VASH1: variants seen among roughly 807,000 people sequenced by gnomAD.
The protein encoded by VASH1 is vasohibin 1.
In VASH1, 16 loss-of-function variants were observed where a neutral mutation model predicts 35.0. The observed-to-expected ratio is 0.46, with a 90% CI of 0.31 to 0.70. VASH1 has a LOEUF of 0.70. Among genes scored for constraint, VASH1 ranks in the 30% least tolerant of loss-of-function variants. The probability of loss-of-function intolerance (pLI) is 0.05; values close to 1 mark genes in which losing one functional copy is unlikely to be tolerated. For missense variants in VASH1, 505 were observed against 510.7 expected (o/e 0.99, Z 0.11); for synonymous variants, 214 against 200.9 (o/e 1.07, Z -0.55).
At chr14:76,767,610 A>G (rs555646228) in intron 1 of VASH1, among the ~76,000 whole-genome samples, 2 of 152,312 alleles carry the variant, frequency 1.3e-5, no homozygotes, top group African/African-American at 4.8e-5. Flanking sequence ...CAGTGAGGAA[A>G]TATTTCCCGA....
chr14:76,777,159 T>G (rs1348482083), intron 5 of VASH1, among the ~76,000 whole-genome samples: 1 of 152,158 alleles, frequency 6.6e-6, no homozygotes, highest in East Asian at 1.9e-4. Context: ...ACGGCTGCCC[T>G]AGCCATTGCC....
At chr14:76,771,457 A>C (rs1893792289) in intron 3 of VASH1, among the ~76,000 whole-genome samples, 1 of 152,218 alleles carries the variant, frequency 6.6e-6, no homozygotes, top group African/African-American at 2.4e-5. Flanking sequence ...CCTTGATGAA[A>C]AGGAAATCCC....
intron 1 of VASH1, among the ~76,000 whole-genome samples, chr14:76,768,281 C>G (rs931890326): frequency 8.5e-5 from 13 of 152,220 alleles, no homozygotes; most frequent in Admixed American, 5.9e-4. Flanking sequence ...GCCCCCCACC[C>G]CGGGTTTTAT....
intron 5 of VASH1, among the ~76,000 whole-genome samples, chr14:76,777,130 G>A (rs1248811186): frequency 2.0e-5 from 3 of 152,212 alleles, no homozygotes; most frequent in Non-Finnish European, 2.9e-5. Context: ...AGGTGTCCTG[G>A]CAGGGGTTTG....
At chr14:76,766,383 C>T (rs1893642192) in intron 1 of VASH1, among the ~76,000 whole-genome samples, 1 of 152,184 alleles carries the variant, frequency 6.6e-6, no homozygotes, top group African/African-American at 2.4e-5. Flanking sequence ...CCACAGAGCT[C>T]CTGCAGAATG....
intron 1 of VASH1, chr14:76,769,497 A>T: frequency 7.8e-7 from 1 of 1,288,112 alleles, no homozygotes; most frequent in Non-Finnish European, 1.0e-6. Context: ...AAGGATGCTC[A>T]CCCCCCTCAG....
Position 76,779,480 on chromosome 14 carries a change from T to C in VASH1, c.*462T>C, listed in dbSNP as rs961055881. On this transcript the variant is annotated 3_prime_UTR_variant, in exon 7 of 7. Coordinates refer to ENST00000167106, the MANE Select transcript of VASH1 (RefSeq NM_014909.5). Reference sequence around the variant, plus strand: ...GGTGGGGGTGGGGTGGAGATGTTTCTCCAGTTCTGCCTGCCCTGGCAGAAT... The same window carrying C: ...GGTGGGGGTGGGGTGGAGATGTTTCCCCAGTTCTGCCTGCCCTGGCAGAAT... The C allele has an allele frequency of 4.3e-6, 3 of 702,016 alleles. No homozygotes were observed. In the Admixed American group the frequency reaches 6.0e-5, roughly 14 times the overall value. The allele number at this position is 702,016 out of a possible 1,614,324, so 43.5% of individuals were successfully genotyped here. A position where few individuals can be genotyped will look rare whatever the true frequency, so the allele number is the denominator to read the frequency against.
rs565043465 is a variant in VASH1 at position 76,770,226 on chromosome 14, G to T, written c.398+175G>T. ...GTGGGACGCGGCGCGTGTGCCTCCT[G>T]GGTGTCGGAGGAATTTTGTCTGATG... is the stretch of plus-strand genomic sequence containing the variant. On this transcript the variant is annotated intron_variant, in intron 2 of 6. Coordinates refer to ENST00000167106, the MANE Select transcript of VASH1 (RefSeq NM_014909.5). Among the ~76,000 whole-genome samples the T allele has an allele frequency of 2.5e-4, 38 of 152,296 alleles. 1 individual carries two copies. The highest frequency in any genetic ancestry group is 7.9e-4 in the African/African-American group (33 of 41,562).
chr14:76,764,452 C>T (rs1893588469), intron 1 of VASH1, among the ~76,000 whole-genome samples: 1 of 152,142 alleles, frequency 6.6e-6, no homozygotes, highest in Non-Finnish European at 1.5e-5. Flanking sequence ...TTTTGGGGTT[C>T]ATCTCTGATT....
chr14:76,773,916 T>A, intron 4 of VASH1: 1 of 152,186 alleles, frequency 6.6e-6, no homozygotes, highest in South Asian at 2.1e-4. Flanking sequence ...TAGAACAACA[T>A]CATGAACTCC....
rs972635937 is a variant in VASH1, at chr14:76,779,092, T to C, written c.*74T>C. The C allele has an allele frequency of 6.6e-7, 1 of 1,518,364 alleles. No homozygotes were observed. The highest frequency in any genetic ancestry group is 1.4e-5 in the African/African-American group (1 of 73,160). 94.1% of individuals were successfully genotyped at this position (1,518,364 alleles called of 1,614,324 possible). A position where few individuals can be genotyped will look rare whatever the true frequency, so the allele number is the denominator to read the frequency against. On this transcript the variant is annotated 3_prime_UTR_variant, in exon 7 of 7. Coordinates refer to ENST00000167106, the MANE Select transcript of VASH1 (RefSeq NM_014909.5). ...CACCTGCTGGAACCAGCCTTATGCA[T>C]GGGGAAGGCGGGGCTGGTGACAAGG... is the stretch of plus-strand genomic sequence containing the variant.
chr14:76,776,582 C>A (rs1893952525), intron 5 of VASH1, among the ~76,000 whole-genome samples: 1 of 152,068 alleles, frequency 6.6e-6, no homozygotes, highest in Admixed American at 6.5e-5. Context: ...CCCACTCCTC[C>A]TGTAACATAT....
At chr14:76,777,919 A>G in intron 5 of VASH1, 40 bp from the exon 6 acceptor site, 1 of 1,369,006 alleles carries the variant, frequency 7.3e-7, no homozygotes. Context: ...GCTCCAGGGC[A>G]GTCCTGGAGT....
chr14:76,761,487 G>C lies in VASH1; in HGVS notation c.-1335G>C, dbSNP rs1472676662. ...CGCGGCGCGGGCCGTAGTCGAGCCT[G>C]GTGGGCGGCTGGCTGGCAGGGGACG... On this transcript the variant is annotated 5_prime_UTR_variant, in exon 1 of 7. Transcript: ENST00000167106. 1 of 152,784 alleles carries C rather than the reference G, an allele frequency of 6.5e-6. No individual in the cohort carries two copies. The highest frequency in any genetic ancestry group is 2.4e-5 in the African/African-American group (1 of 41,442). 9.5% of individuals were successfully genotyped at this position (152,784 alleles called of 1,614,324 possible).
chr14:76,761,801 C>T lies in VASH1; in HGVS notation c.-1021C>T, dbSNP rs1893511881. 6.6e-6 allele frequency among the ~76,000 whole-genome samples: 1 copy of T among 151,848 alleles called. No individual in the cohort carries two copies. Among genetic ancestry groups the T allele is most frequent in the Non-Finnish European group, 1.5e-5 (1 of 67,918 alleles). ...GAGCGAACAGCCACGGAGCATCCTC[C>T]GCCCGCCCGGGCCGCGCCACCGCCC... On this transcript the variant is annotated 5_prime_UTR_variant, in exon 1 of 7. Coordinates refer to ENST00000167106, the MANE Select transcript of VASH1 (RefSeq NM_014909.5).
chr14:76,776,321 GC>G, intron 5 of VASH1, 48 bp downstream of exon 5: 1 of 1,480,236 alleles, frequency 6.8e-7, no homozygotes, highest in Non-Finnish European at 9.0e-7. Flanking sequence ...CCCCTCCCCC[GC>G]CCCAGCAGAG....
At chr14:76,764,687 C>CTTT (rs35292639) in intron 1 of VASH1, among the ~76,000 whole-genome samples, 1 of 137,340 alleles carries the variant, frequency 7.3e-6, no homozygotes, top group African/African-American at 2.7e-5. Flanking sequence ...TATCAGTTAC[C>CTTT]TTTTTTTTTT....
chr14:76,761,563 C>G lies in VASH1; in HGVS notation c.-1259C>G, dbSNP rs1187029532. ...GCGGCGGGGCTGCAGCAGCGGCGGC[C>G]CCAGCTTCGCCGAGCAGCGATCGGC... On this transcript the variant is annotated 5_prime_UTR_variant, in exon 1 of 7. Coordinates refer to ENST00000167106, the MANE Select transcript of VASH1 (RefSeq NM_014909.5). Among the ~76,000 whole-genome samples the G allele has an allele frequency of 1.3e-5, 2 of 152,016 alleles. No individual in the cohort carries two copies. The highest frequency in any genetic ancestry group is 2.9e-5 in the Non-Finnish European group (2 of 67,964).
chr14:76,773,173 C>G lies in VASH1; in HGVS notation c.492C>G (p.Ala164=), dbSNP rs905779061. 3 of 1,613,988 alleles carry G rather than the reference C, an allele frequency of 1.9e-6. No homozygotes were observed. The highest frequency in any genetic ancestry group is 8.5e-7 in the Non-Finnish European group (1 of 1,180,016). Residue 164 remains alanine (A), a synonymous_variant, in exon 4 of 7, where the codon GCC becomes GCG. Transcript: ENST00000167106. ...MDLAKEMTKE[A]LPIKCLEAVI... is the part of the protein sequence containing the mutation. ...TGGCCAAGGAAATGACCAAAGAGGC[C>G]CTGCCAATCAAATGCCTGGAAGCCG...
Sources: allele counts gnomAD v4.1 joint callset (sites outside exome capture counted in the v4.1 genomes callset), GRCh38; gene constraint gnomAD v4.1.1; transcripts MANE v1.5; gene names NCBI Gene and HGNC (gene_info 2026-07-23, HGNC 2026-07-21).